Variants in DENND1B observed in about 807,000 individuals in gnomAD.
DENND1B encodes DENN domain-containing protein 1B.
In DENND1B, 59 loss-of-function variants were observed where a neutral mutation model predicts 90.1. The observed-to-expected ratio is 0.65, with a 90% CI of 0.53 to 0.81. The LOEUF (loss-of-function observed/expected upper bound fraction) is 0.81, where lower values mean the gene tolerates loss of function less well. Ranked by LOEUF, DENND1B falls within the 40% of genes least tolerant of loss-of-function variation. The pLI is 0.00. For missense variants in DENND1B, 862 were observed against 912.6 expected, an observed-to-expected ratio of 0.94 and a Z score of 0.71; for synonymous variants, 337 against 324.6, an observed-to-expected ratio of 1.04 and a Z score of -0.41.
chr1:197,596,655 C>T (rs2125812226), intron 13 of DENND1B, among the ~76,000 whole-genome samples: 1 of 151,894 alleles, frequency 6.6e-6, no homozygotes, highest in African/African-American at 2.4e-5. Context: ...TATACACACA[C>T]ACAACACATG....
chr1:197,568,002 G>A (rs1449141612), intron 15 of DENND1B, among the ~76,000 whole-genome samples: 1 of 150,736 alleles, frequency 6.6e-6, no homozygotes, highest in Non-Finnish European at 1.5e-5. Context: ...TGAGGGGAGG[G>A]AGGGAAGGAA....
At chr1:197,650,800 T>TG (rs1558356267) in intron 7 of DENND1B, among the ~76,000 whole-genome samples, 4 of 152,172 alleles carry the variant, frequency 2.6e-5, no homozygotes, top group African/African-American at 9.7e-5. Context: ...CTCACTGATA[T>TG]GCGGGAGCTA....
At chr1:197,546,434 C>T (rs1473041051) in intron 17 of DENND1B, among the ~76,000 whole-genome samples, 3 of 152,038 alleles carry the variant, frequency 2.0e-5, no homozygotes, top group Non-Finnish European at 2.9e-5. Context: ...CCATCAAATC[C>T]TTCTACCCCA....
chr1:197,734,163 T>C lies in DENND1B; in HGVS notation c.83-19089A>G, dbSNP rs140703477. The C allele has an allele frequency of 8.5e-5, 77 of 903,528 alleles. No individual in the cohort carries two copies. In the African/African-American group the frequency reaches 1.3e-3, roughly 15 times the overall value. 56.0% of individuals were successfully genotyped at this position (903,528 alleles called of 1,614,324 possible). On this transcript the variant is annotated intron_variant, in intron 2 of 22. Transcript: ENST00000620048. Reference sequence around the variant, plus strand: ...ATATTCCTGAATAAGTTTTAAAATATTGAACAGAAGAGAAACAGTAAACTA... The same window carrying C: ...ATATTCCTGAATAAGTTTTAAAATACTGAACAGAAGAGAAACAGTAAACTA...
At chr1:197,771,135 C>T (rs1656545585) in intron 2 of DENND1B, among the ~76,000 whole-genome samples, 1 of 151,934 alleles carries the variant, frequency 6.6e-6, no homozygotes, top group Non-Finnish European at 1.5e-5. Flanking sequence ...TGGTCTCGAA[C>T]TCCTGGCCTC....
Position 197,734,609 on chromosome 1 carries a change from C to T in DENND1B, c.83-19535G>A, listed in dbSNP as rs928872745. 20 of 982,236 alleles carry T rather than the reference C, an allele frequency of 2.0e-5. No individual in the cohort carries two copies. The African/African-American group carries it at 2.8e-4, about 14-fold the overall frequency. 60.8% of individuals were successfully genotyped at this position (982,236 alleles called of 1,614,324 possible). A position where few individuals can be genotyped will look rare whatever the true frequency, so the allele number is the denominator to read the frequency against. ...AAAATTGACTGCAATACATTACATT[C>T]GTAATTTAAAAAAAAAAACTTTGCA... is the stretch of plus-strand genomic sequence containing the variant. On this transcript the variant is annotated intron_variant, in intron 2 of 22. Transcript: ENST00000620048.
intron 2 of DENND1B, among the ~76,000 whole-genome samples, chr1:197,763,399 C>T (rs1655340182): frequency 6.6e-6 from 1 of 152,186 alleles, no homozygotes; most frequent in Non-Finnish European, 1.5e-5. Context: ...ATACCCTACA[C>T]AATTTCCATT....
chr1:197,740,812 G>A (rs1005351939), intron 2 of DENND1B, among the ~76,000 whole-genome samples: 1 of 152,108 alleles, frequency 6.6e-6, no homozygotes, highest in South Asian at 2.1e-4. Flanking sequence ...TTTATCAATG[G>A]TATGAAGGAC....
At chr1:197,747,177 GT>G in intron 2 of DENND1B, 4 of 745,258 alleles carry the variant, frequency 5.4e-6, no homozygotes, top group East Asian at 2.9e-5. Flanking sequence ...TTGAGGTTGC[GT>G]TTTTCTGTTC....
chr1:197,683,756 C>T (rs1195761326), intron 3 of DENND1B, among the ~76,000 whole-genome samples: 3 of 152,100 alleles, frequency 2.0e-5, no homozygotes, highest in Non-Finnish European at 4.4e-5. Context: ...TCTCTTACAA[C>T]GATGAAAACA....
chr1:197,544,878 AAGAG>A (rs1670627763), intron 18 of DENND1B, among the ~76,000 whole-genome samples: 1 of 141,244 alleles, frequency 7.1e-6, no homozygotes, highest in Non-Finnish European at 1.6e-5. Flanking sequence ...GAAGGAGATG[AAGAG>A]GAAGAGGAAG....
chr1:197,612,745 A>G (rs2125850843), intron 11 of DENND1B, among the ~76,000 whole-genome samples: 1 of 150,830 alleles, frequency 6.6e-6, no homozygotes, highest in Middle Eastern at 3.4e-3. Context: ...GCCTTAGGGT[A>G]GAAACTTGGG....
chr1:197,607,141 T>A lies in DENND1B; in HGVS notation c.853A>T (p.Met285Leu), dbSNP rs767598928. 4 of 1,598,248 alleles carry A rather than the reference T, an allele frequency of 2.5e-6. No individual in the cohort carries two copies. In the East Asian group the frequency reaches 6.8e-5, roughly 27 times the overall value. ...AATGTGTTTGTATCAACATTTAACA[T>A]AACAACATCTTCCAATGATTTGTTT... ...VKNKSLEDVV[M>L]LNVDTNTLES... Residue 285 changes from methionine to leucine, a missense_variant, in exon 13 of 23, where the codon ATG (methionine) becomes TTG (leucine). Physicochemically the swap from Met to Leu is conservative, Grantham distance 15. Coordinates refer to ENST00000620048, the MANE Select transcript of DENND1B (RefSeq NM_001195215.2).
intron 2 of DENND1B, chr1:197,735,560 C>G (rs770249129): frequency 6.2e-7 from 1 of 1,613,908 alleles, no homozygotes; most frequent in South Asian, 1.1e-5. Context: ...TGTTCTTAGA[C>G]TTTTATGAAT....
chr1:197,724,328 C>A (rs910856141), intron 2 of DENND1B, among the ~76,000 whole-genome samples: 2 of 151,876 alleles, frequency 1.3e-5, no homozygotes, highest in African/African-American at 4.8e-5. Flanking sequence ...CATGCATGAC[C>A]TTTCTTTCAG....
intron 3 of DENND1B, among the ~76,000 whole-genome samples, chr1:197,676,046 C>A (rs1489291653): frequency 1.5e-5 from 2 of 129,624 alleles, no homozygotes; most frequent in African/African-American, 6.1e-5. Flanking sequence ...TTCAACCAGC[C>A]AGCAGGTCTA....
At chr1:197,758,166 G>A (rs1467810045) in intron 2 of DENND1B, among the ~76,000 whole-genome samples, 11 of 152,102 alleles carry the variant, frequency 7.2e-5, no homozygotes, top group East Asian at 3.9e-4. Context: ...TGTCAGATTC[G>A]GTACTACAAA....
chr1:197,721,883 T>C (rs1661215135), intron 2 of DENND1B, among the ~76,000 whole-genome samples: 1 of 152,176 alleles, frequency 6.6e-6, no homozygotes, highest in Admixed American at 6.5e-5. Flanking sequence ...AAATTGAATG[T>C]TTTGTGACAC....
intron 15 of DENND1B, among the ~76,000 whole-genome samples, chr1:197,560,194 C>T (rs1243323846): frequency 2.0e-5 from 3 of 151,848 alleles, no homozygotes; most frequent in Non-Finnish European, 4.4e-5. Flanking sequence ...GTCTGCTGAA[C>T]CTTATGATCA....
Sources: allele counts gnomAD v4.1 joint callset (sites outside exome capture counted in the v4.1 genomes callset), GRCh38; gene constraint gnomAD v4.1.1; transcripts MANE v1.5; gene names NCBI Gene and HGNC (gene_info 2026-07-23, HGNC 2026-07-21).